The following CENPK variants were observed in gnomAD, a reference collection of about 807,000 sequenced individuals.
CENPK encodes SoxLZ/Sox6-binding protein Solt.
Under a neutral mutation model 40.9 loss-of-function variants are expected in CENPK, and 46 were observed. The observed-to-expected ratio is 1.13, with a 90% CI of 0.89 to 1.44. The LOEUF is 1.44. CENPK is among the 40% of genes most tolerant of loss of function. The pLI is 0.00. For missense variants in CENPK, 288 were observed against 303.5 expected, an observed-to-expected ratio of 0.95 and a Z score of 0.38; for synonymous variants, 107 against 104.4, an observed-to-expected ratio of 1.02 and a Z score of -0.15.
the CENPK span, among the ~76,000 whole-genome samples, chr5:65,505,150 TACA>T: frequency 6.6e-6 from 1 of 152,168 alleles, no homozygotes; most frequent in African/African-American, 2.4e-5. Context: ...CTGCCCAGGC[TACA>T]ACATTTATTT....
intron 6 of CENPK, among the ~76,000 whole-genome samples, chr5:65,538,529 A>G (rs1162140869): frequency 6.6e-6 from 1 of 152,124 alleles, no homozygotes; most frequent in Non-Finnish European, 1.5e-5. Context: ...TTTACTATAC[A>G]TTCAAGAGAA....
At chr5:65,514,554 C>A (rs1382778362), downstream of CENPK, among the ~76,000 whole-genome samples, 1 of 152,134 alleles carries the variant, frequency 6.6e-6, no homozygotes, top group Non-Finnish European at 1.5e-5. Context: ...CGTGAGCCAT[C>A]GTGCTCAGCC....
intron 5 of CENPK, among the ~76,000 whole-genome samples, chr5:65,544,902 G>GTA (rs1276881742): frequency 6.6e-6 from 1 of 152,154 alleles, no homozygotes; most frequent in Admixed American, 6.5e-5. Context: ...TGTTTAATGT[G>GTA]TATAGAGTTT....
the CENPK span, among the ~76,000 whole-genome samples, chr5:65,510,502 C>T: frequency 7.9e-5 from 12 of 152,230 alleles, no homozygotes; most frequent in South Asian, 4.2e-4. Context: ...CGTCCGGGCA[C>T]GGTGGCTAAC....
At chr5:65,508,491 G>A in the CENPK span, among the ~76,000 whole-genome samples, 6 of 152,162 alleles carry the variant, frequency 3.9e-5, no homozygotes, top group East Asian at 1.2e-3. Context: ...GAACATAAAA[G>A]TTAAAACTAT....
intron 5 of CENPK, among the ~76,000 whole-genome samples, chr5:65,550,036 C>T (rs1408923539): frequency 6.6e-6 from 1 of 151,956 alleles, no homozygotes; most frequent in East Asian, 1.9e-4. Context: ...GGTGTGGTAG[C>T]ATGCACCTGC....
intron 6 of CENPK, chr5:65,541,335 C>T (rs1747939550): frequency 2.2e-6 from 1 of 454,382 alleles, no homozygotes; most frequent in Non-Finnish European, 4.4e-6. Context: ...GAGCGCTCAA[C>T]CTGTGGGATC....
At chr5:65,536,033 C>A (rs1272473626) in intron 6 of CENPK, among the ~76,000 whole-genome samples, 1 of 152,202 alleles carries the variant, frequency 6.6e-6, no homozygotes, top group Non-Finnish European at 1.5e-5. Context: ...GAACCAGCTC[C>A]TGTAGAGCTG....
chr5:65,540,734 G>A (rs1170992662), intron 6 of CENPK, among the ~76,000 whole-genome samples: 1 of 151,864 alleles, frequency 6.6e-6, no homozygotes, highest in East Asian at 1.9e-4. Context: ...GTCCAGAGAT[G>A]GCATGGAAAC....
At chr5:65,506,392 C>T in the CENPK span, among the ~76,000 whole-genome samples, 3 of 150,616 alleles carry the variant, frequency 2.0e-5, no homozygotes, top group East Asian at 5.9e-4. Flanking sequence ...CTCACTCCTG[C>T]AATCCCAGCA....
At chr5:65,533,620 G>GA (rs1746306265) in intron 6 of CENPK, among the ~76,000 whole-genome samples, 1 of 152,006 alleles carries the variant, frequency 6.6e-6, no homozygotes, top group East Asian at 1.9e-4. Flanking sequence ...ATACAGAAGG[G>GA]AAAAGATATG....
chr5:65,535,988 G>A (rs1052455476), intron 6 of CENPK, among the ~76,000 whole-genome samples: 1 of 152,212 alleles, frequency 6.6e-6, no homozygotes, highest in Non-Finnish European at 1.5e-5. Context: ...ATAAGTTACT[G>A]TAGGTAGAAG....
At chr5:65,541,390 A>G (rs1191577451) in intron 6 of CENPK, 1 of 456,314 alleles carries the variant, frequency 2.2e-6, no homozygotes, top group East Asian at 6.9e-5. Flanking sequence ...AAGTGAATTA[A>G]GAGGACACCC....
intron 9 of CENPK, among the ~76,000 whole-genome samples, chr5:65,528,243 CGCCCCCCT>C (rs1352846558): frequency 1.3e-5 from 2 of 151,348 alleles, no homozygotes; most frequent in Non-Finnish European, 3.0e-5. Flanking sequence ...TCTGTCCCCC[CGCCCCCCT>C]GCCCCCAAAA....
At chr5:65,551,133 C>T (rs1749931736) in intron 5 of CENPK, 1 of 388,406 alleles carries the variant, frequency 2.6e-6, no homozygotes, top group Non-Finnish European at 5.0e-6. Context: ...ACTTGTAGTC[C>T]TAGCTACTCA....
chr5:65,528,867 A>C, intron 8 of CENPK, 52 bp downstream of exon 8: 1 of 1,186,272 alleles, frequency 8.4e-7, no homozygotes, highest in Non-Finnish European at 1.2e-6. Flanking sequence ...CATGTAACAC[A>C]AAAAATAAAA....
intron 6 of CENPK, among the ~76,000 whole-genome samples, chr5:65,537,374 G>C (rs145088947): frequency 6.6e-6 from 1 of 152,184 alleles, no homozygotes; most frequent in East Asian, 1.9e-4. Flanking sequence ...GGGCGATCTC[G>C]GCTCACTGCA....
At chr5:65,555,490 C>A (rs1344993941) in intron 2 of CENPK, among the ~76,000 whole-genome samples, 3 of 152,176 alleles carry the variant, frequency 2.0e-5, no homozygotes, top group African/African-American at 7.2e-5. Flanking sequence ...ATTTTAAGGA[C>A]TTTGAGATGA....
chr5:65,515,939 T>C (rs530388838), downstream of CENPK, among the ~76,000 whole-genome samples: 17 of 152,336 alleles, frequency 1.1e-4, no homozygotes, highest in South Asian at 2.1e-4. Context: ...GGTGTCAGCA[T>C]AGTCAATTTC....
Sources: allele counts gnomAD v4.1 joint callset (sites outside exome capture counted in the v4.1 genomes callset), GRCh38; gene constraint gnomAD v4.1.1; transcripts MANE v1.5; gene names NCBI Gene and HGNC (gene_info 2026-07-23, HGNC 2026-07-21).